The following MTUS2 variants were observed in gnomAD, a reference collection of about 807,000 sequenced individuals.
MTUS2 encodes the protein microtubule-associated tumor suppressor candidate 2.
Under a neutral mutation model 114.1 loss-of-function variants are expected in MTUS2, and 40 were observed. The observed-to-expected ratio is 0.35, with a 90% CI of 0.27 to 0.46. The LOEUF is 0.46. MTUS2 is among the 20% of genes least tolerant of loss of function. The probability of loss-of-function intolerance (pLI) is 1.00; values close to 1 mark genes in which losing one functional copy is unlikely to be tolerated. For missense variants in MTUS2, 1,679 were observed against 1,705.4 expected (o/e 0.98, Z 0.27); for synonymous variants, 688 against 672.0 (o/e 1.02, Z -0.37).
At chr13:29,319,609 T>C (rs1566128161) in intron 6 of MTUS2, among the ~76,000 whole-genome samples, 1 of 152,204 alleles carries the variant, frequency 6.6e-6, no homozygotes, top group Admixed American at 6.5e-5. Context: ...TGCAGAGCTC[T>C]GATCCAGCAG....
intron 2 of MTUS2, among the ~76,000 whole-genome samples, chr13:28,865,552 G>A (rs567421351): frequency 2.8e-4 from 43 of 152,246 alleles, no homozygotes; most frequent in Non-Finnish European, 5.9e-4. Context: ...ATGAGAGGCC[G>A]AGCTTAGTTA....
chr13:28,991,752 C>G (rs1211401920), intron 2 of MTUS2, among the ~76,000 whole-genome samples: 1 of 152,098 alleles, frequency 6.6e-6, no homozygotes, highest in South Asian at 2.1e-4. Context: ...TTAAACCTGG[C>G]TACTTCTTAT....
At chr13:29,361,116 A>G (rs1280523637) in intron 8 of MTUS2, among the ~76,000 whole-genome samples, 3 of 152,192 alleles carry the variant, frequency 2.0e-5, no homozygotes, top group African/African-American at 7.2e-5. Context: ...TCCATGTTCC[A>G]GGAAAATTCC....
chr13:29,358,792 A>G (rs1223255309), intron 7 of MTUS2, among the ~76,000 whole-genome samples: 1 of 152,146 alleles, frequency 6.6e-6, no homozygotes, highest in East Asian at 1.9e-4. Flanking sequence ...CGTGACATTG[A>G]AGAAAAGGGT....
chr13:28,960,935 A>G (rs1355171244), intron 2 of MTUS2, among the ~76,000 whole-genome samples: 3 of 152,210 alleles, frequency 2.0e-5, no homozygotes, highest in Admixed American at 6.5e-5. Flanking sequence ...GTCTCCACAA[A>G]GAAATGGATG....
chr13:29,064,132 C>G (rs1425873647), intron 4 of MTUS2, among the ~76,000 whole-genome samples: 1 of 152,146 alleles, frequency 6.6e-6, no homozygotes, highest in African/African-American at 2.4e-5. Context: ...GGCAGCTTAT[C>G]CTGTATTAAC....
intron 2 of MTUS2, among the ~76,000 whole-genome samples, chr13:28,975,013 G>A (rs898377979): frequency 6.6e-6 from 1 of 152,226 alleles, no homozygotes; most frequent in African/African-American, 2.4e-5. Context: ...AGGATCGAGT[G>A]ATAATCCTTC....
chr13:28,975,641 A>G (rs1334742584), intron 2 of MTUS2, among the ~76,000 whole-genome samples: 2 of 152,166 alleles, frequency 1.3e-5, no homozygotes, highest in African/African-American at 2.4e-5. Flanking sequence ...AGTGCATTCC[A>G]TTTGCCAGAC....
At chr13:29,096,684 C>T (rs755031523) in intron 4 of MTUS2, among the ~76,000 whole-genome samples, 2 of 152,190 alleles carry the variant, frequency 1.3e-5, no homozygotes, top group Non-Finnish European at 2.9e-5. Flanking sequence ...CTGGAGATCT[C>T]TGTTCTTATG....
chr13:29,218,653 A>G (rs1895779625), intron 5 of MTUS2, among the ~76,000 whole-genome samples: 1 of 152,250 alleles, frequency 6.6e-6, no homozygotes, highest in African/African-American at 2.4e-5. Flanking sequence ...GTGTTAGCAG[A>G]CATGAAAATA....
chr13:29,480,231 T>A lies in MTUS2; in HGVS notation c.3266T>A (p.Leu1089Gln). 6.4e-7 allele frequency: 1 copy of A among 1,554,130 alleles called. No individual in the cohort carries two copies. Among genetic ancestry groups the A allele is most frequent in the South Asian group, 1.2e-5 (1 of 84,216 alleles). ...ERRFEDEVKR[L>Q]GWQQQAELQE... Reference sequence around the variant, plus strand: ...CGGTTCGAGGACGAGGTGAAGAGGCTGGGCTGGCAGCAGCAGGCCGAGCTC... The same window carrying A: ...CGGTTCGAGGACGAGGTGAAGAGGCAGGGCTGGCAGCAGCAGGCCGAGCTC... Residue 1089 changes from leucine (L) to glutamine (Q), a missense_variant, in exon 10 of 16, where the codon CTG (leucine) becomes CAG (glutamine). By Grantham distance (113) the Leu-to-Gln change is moderately radical. This residue lies in a region of MTUS2 where 822 missense variants were observed against 899.7 expected (regional missense o/e 0.91). Coordinates refer to ENST00000612955, the MANE Select transcript of MTUS2 (RefSeq NM_001033602.4). This position sits in a 1 kb window ranked among gnomAD's most constrained non-coding sequence, Gnocchi z 4.4.
chr13:29,268,104 C>T (rs978384481), intron 5 of MTUS2, among the ~76,000 whole-genome samples: 2 of 152,042 alleles, frequency 1.3e-5, no homozygotes, highest in Admixed American at 6.6e-5. Flanking sequence ...CCCATCAACT[C>T]GTCATCTACA....
chr13:28,876,710 A>G (rs1877955177), intron 2 of MTUS2, among the ~76,000 whole-genome samples: 1 of 152,164 alleles, frequency 6.6e-6, no homozygotes, highest in Admixed American at 6.5e-5. Flanking sequence ...AGACCCACCC[A>G]TGGAGTGAGG....
intron 4 of MTUS2, among the ~76,000 whole-genome samples, chr13:29,048,797 G>A (rs968761059): frequency 6.6e-6 from 1 of 152,156 alleles, no homozygotes; most frequent in African/African-American, 2.4e-5. Flanking sequence ...TAGTGGTGGG[G>A]TCTTGCTGTG....
At chr13:29,199,734 T>A (rs1894859462) in intron 5 of MTUS2, among the ~76,000 whole-genome samples, 1 of 152,200 alleles carries the variant, frequency 6.6e-6, no homozygotes, top group South Asian at 2.1e-4. Context: ...TCCTGTTTTT[T>A]TTCTGTTGTT....
intron 9 of MTUS2, among the ~76,000 whole-genome samples, chr13:29,440,405 C>T (rs760004168): frequency 6.6e-6 from 1 of 152,222 alleles, no homozygotes; most frequent in Admixed American, 6.5e-5. Context: ...CTTCCTGCCA[C>T]TGTCTACCCT....
At chr13:29,289,091 G>A (rs957696778) in intron 6 of MTUS2, among the ~76,000 whole-genome samples, 2 of 152,166 alleles carry the variant, frequency 1.3e-5, no homozygotes, top group African/African-American at 4.8e-5. Context: ...CCATGTAACT[G>A]TAGAAGATTT....
At chr13:29,360,451 T>C (rs188574641) in intron 8 of MTUS2, among the ~76,000 whole-genome samples, 1 of 152,296 alleles carries the variant, frequency 6.6e-6, no homozygotes, top group Admixed American at 6.5e-5. Context: ...TTTGTTGTTA[T>C]TATTTTTGTT....
At chr13:29,456,728 GAAA>G (rs200306681) in intron 9 of MTUS2, among the ~76,000 whole-genome samples, 3 of 151,410 alleles carry the variant, frequency 2.0e-5, no homozygotes, top group Non-Finnish European at 4.4e-5. Context: ...ATGAAAGAAA[GAAA>G]AAAAACTGTC....
Sources: gnomAD v4.1 joint callset for allele counts (sites outside exome capture counted in the v4.1 genomes callset) on GRCh38, gnomAD v4.1.1 for gene constraint, gnomAD v4.1.1 regional missense constraint, Gnocchi (gnomAD v3.1) non-coding constraint, MANE v1.5 for transcripts, NCBI Gene and HGNC (gene_info 2026-07-23, HGNC 2026-07-21) for gene names.